The following FDFT1 variants were observed in gnomAD, a reference collection of about 807,000 sequenced individuals.
FDFT1 encodes the protein farnesyl-diphosphate farnesyltransferase 1, also known as squalene synthase.
FDFT1 carries 68 observed loss-of-function variants against 46.8 expected under a neutral mutation model. The observed-to-expected ratio is 1.45, with a 90% CI of 1.19 to 1.78. The LOEUF is 1.78. Among genes scored for constraint, FDFT1 ranks in the 40% most tolerant of loss-of-function variants. The probability of loss-of-function intolerance (pLI) is 0.00; values close to 1 mark genes in which losing one functional copy is unlikely to be tolerated. For missense variants in FDFT1, 928 were observed against 524.4 expected (o/e 1.77, Z -7.52); for synonymous variants, 351 against 185.1 (o/e 1.90, Z -7.28).
At chr8:11,835,543 G>C (rs1811421878) in intron 7 of FDFT1, among the ~76,000 whole-genome samples, 1 of 152,164 alleles carries the variant, frequency 6.6e-6, no homozygotes. Flanking sequence ...ATATTGAAGT[G>C]CTCTTGGAGT....
chr8:11,818,089 T>A (rs12156134), intron 3 of FDFT1, among the ~76,000 whole-genome samples: 32,638 of 152,176 alleles, frequency 0.21, 4,579 homozygotes, highest in African/African-American at 0.4. Context: ...TCAAAGAACA[T>A]CTTTATTTCT....
intron 3 of FDFT1, among the ~76,000 whole-genome samples, chr8:11,811,864 C>T (rs1048898369): frequency 3.9e-5 from 6 of 152,184 alleles, no homozygotes; most frequent in Middle Eastern, 3.2e-3. Context: ...AGTTGTAGGT[C>T]CCTCCAGTCT....
At chr8:11,802,669 C>G, upstream of FDFT1, 1 of 627,662 alleles carries the variant, frequency 1.6e-6, no homozygotes, top group Non-Finnish European at 2.8e-6. Context: ...GCGGCCGAGG[C>G]CGGTTGAAGT....
chr8:11,818,014 C>T (rs1466416207), intron 3 of FDFT1, among the ~76,000 whole-genome samples: 1 of 152,156 alleles, frequency 6.6e-6, no homozygotes, highest in Non-Finnish European at 1.5e-5. Flanking sequence ...ATAAATTTCC[C>T]TCTACACACT....
upstream of FDFT1, chr8:11,802,318 G>A (rs1269775222): frequency 7.4e-6 from 3 of 403,022 alleles, no homozygotes; most frequent in South Asian, 3.5e-5. Flanking sequence ...GGCCGGACAC[G>A]TGGGCGACTT....
At chr8:11,807,153 ATTTG>A (rs1806960961) in intron 1 of FDFT1, among the ~76,000 whole-genome samples, 1 of 151,962 alleles carries the variant, frequency 6.6e-6, no homozygotes, top group Non-Finnish European at 1.5e-5. Context: ...CCTATTGGAT[ATTTG>A]TTTTTTATTT....
intron 7 of FDFT1, among the ~76,000 whole-genome samples, chr8:11,836,169 C>G (rs902755328): frequency 2.2e-5 from 3 of 137,090 alleles, no homozygotes; most frequent in East Asian, 2.0e-4. Context: ...AAAAAAAAAT[C>G]TACAATATAC....
intron 7 of FDFT1, 199 bp downstream of exon 7, chr8:11,831,869 C>A: frequency 1.9e-6 from 1 of 532,996 alleles, no homozygotes; most frequent in South Asian, 2.6e-5. Context: ...TGTGTAGTAC[C>A]CTGGTGAGAG....
intron 3 of FDFT1, among the ~76,000 whole-genome samples, chr8:11,810,767 C>G (rs549359978): frequency 6.6e-6 from 1 of 151,834 alleles, no homozygotes; most frequent in Non-Finnish European, 1.5e-5. Context: ...TGTAATAGCT[C>G]GAAGAAGCCC....
At chr8:11,837,505 T>G (rs1811708353) in intron 7 of FDFT1, among the ~76,000 whole-genome samples, 1 of 152,180 alleles carries the variant, frequency 6.6e-6, no homozygotes, top group South Asian at 2.1e-4. Flanking sequence ...GTGCTGGGAT[T>G]CCAAACATGA....
At chr8:11,812,230 C>T (rs552055029) in intron 3 of FDFT1, among the ~76,000 whole-genome samples, 1 of 152,324 alleles carries the variant, frequency 6.6e-6, no homozygotes. Context: ...TTCTGGACAT[C>T]TGGAGTTCCT....
intron 5 of FDFT1, among the ~76,000 whole-genome samples, chr8:11,828,518 C>T (rs1483722011): frequency 3.9e-5 from 6 of 152,356 alleles, no homozygotes; most frequent in Non-Finnish European, 5.9e-5. Flanking sequence ...GCTCCTAGGC[C>T]AGCCCCTGAC....
chr8:11,837,851 C>T (rs1345590168), intron 7 of FDFT1, among the ~76,000 whole-genome samples: 1 of 152,100 alleles, frequency 6.6e-6, no homozygotes, highest in African/African-American at 2.4e-5. Flanking sequence ...ATGGATTCTG[C>T]ACATACTTGG....
intron 1 of FDFT1, 44 bp from the exon 2 acceptor site, chr8:11,808,747 CCTG>C: frequency 1.3e-6 from 2 of 1,597,920 alleles, no homozygotes; most frequent in Non-Finnish European, 1.7e-6. Flanking sequence ...CACTCCCACT[CCTG>C]CTCCTCGACG....
At chr8:11,832,076 A>T (rs1028087403) in intron 7 of FDFT1, among the ~76,000 whole-genome samples, 1 of 152,160 alleles carries the variant, frequency 6.6e-6, no homozygotes, top group African/African-American at 2.4e-5. Flanking sequence ...CCAGTCTGGT[A>T]CTTTCATTAT....
chr8:11,819,321 G>C (rs995167546), intron 3 of FDFT1, among the ~76,000 whole-genome samples: 1 of 152,098 alleles, frequency 6.6e-6, no homozygotes, highest in Non-Finnish European at 1.5e-5. Context: ...TGACAATTAC[G>C]TATCTTGGGA....
chr8:11,808,621 C>T (rs1585876280), intron 1 of FDFT1, 173 bp from the exon 2 acceptor site: 1 of 1,390,770 alleles, frequency 7.2e-7, no homozygotes, highest in East Asian at 2.8e-5. Context: ...GGCACCGCCC[C>T]GCGGGGCTGC....
intron 1 of FDFT1, among the ~76,000 whole-genome samples, chr8:11,804,333 C>T (rs990536031): frequency 1.3e-5 from 2 of 152,114 alleles, no homozygotes; most frequent in South Asian, 4.1e-4. Context: ...CATTGGTTTC[C>T]TGTTGGGAGG....
upstream of FDFT1, chr8:11,797,890 G>C (rs960036544): frequency 2.0e-5 from 3 of 152,256 alleles, no homozygotes; most frequent in African/African-American, 7.2e-5. Flanking sequence ...GACTGGATCA[G>C]GGTGTGAAAG....
Sources: allele counts gnomAD v4.1 joint callset (sites outside exome capture counted in the v4.1 genomes callset), GRCh38; gene constraint gnomAD v4.1.1; transcripts MANE v1.5; gene names NCBI Gene and HGNC (gene_info 2026-07-23, HGNC 2026-07-21).